COL4A5: variants seen among roughly 807,000 people sequenced by gnomAD.
The protein encoded by COL4A5 is collagen alpha-5(IV) chain.
A neutral mutation model predicts 130.2 loss-of-function variants in COL4A5; 26 were observed. That is an observed-to-expected ratio of 0.20 (90% confidence interval 0.15 to 0.28). The LOEUF is 0.28. COL4A5 is among the 10% of genes least tolerant of loss of function. COL4A5 has a pLI of 1.00. For missense variants in COL4A5, 1,131 were observed against 1,344.3 expected, an observed-to-expected ratio of 0.84 and a Z score of 2.48; for synonymous variants, 496 against 439.6, an observed-to-expected ratio of 1.13 and a Z score of -1.60.
chrX:108,577,008 G>C (rs2066160840), intron 10 of COL4A5, among the ~76,000 whole-genome samples: 1 of 111,277 alleles, frequency 9.0e-6, no homozygotes, highest in Admixed American at 9.5e-5. Flanking sequence ...CCACTTAACC[G>C]ATTCACTTTA....
chrX:108,518,711 G>T (rs1289933742), intron 1 of COL4A5, among the ~76,000 whole-genome samples: 1 of 110,986 alleles, frequency 9.0e-6, no homozygotes, highest in South Asian at 3.7e-4. Flanking sequence ...CATCAGTATC[G>T]ATGAATTACA....
chrX:108,606,719 G>A (rs775574284), intron 28 of COL4A5, 23 bp from the exon 29 acceptor site: 37 of 1,208,994 alleles, frequency 3.1e-5, no homozygotes, highest in Admixed American at 2.2e-4. Flanking sequence ...TTTTTGTTGT[G>A]TTTTGTCATG....
At chrX:108,641,473 A>G (rs771151797) in intron 36 of COL4A5, among the ~76,000 whole-genome samples, 4 of 111,999 alleles carry the variant, frequency 3.6e-5, no homozygotes, top group Non-Finnish European at 7.5e-5. Flanking sequence ...ATCAACTGCA[A>G]CAACAAACCA....
Position 108,444,719 on chromosome X carries a change from A to T in COL4A5, c.81+4513A>T, listed in dbSNP as rs752285236. Among the ~76,000 whole-genome samples, 255 of 112,014 alleles carry T rather than the reference A, an allele frequency of 2.3e-3. 1 individual carries two copies. Among genetic ancestry groups the T allele is most frequent in the Non-Finnish European group, 4.3e-3 (228 of 53,148 alleles). On this transcript the variant is annotated intron_variant, in intron 1 of 52. Transcript: ENST00000328300. Reference sequence around the variant, plus strand: ...GAAATATATGTATATATGCACACATACCTGTTTCTATATCGATTTCTTGAA... The same window carrying T: ...GAAATATATGTATATATGCACACATTCCTGTTTCTATATCGATTTCTTGAA...
chrX:108,551,592 C>A (rs1480805112), intron 2 of COL4A5, among the ~76,000 whole-genome samples: 2 of 111,903 alleles, frequency 1.8e-5, no homozygotes, highest in Non-Finnish European at 3.8e-5. Flanking sequence ...ATTAGTTCAC[C>A]CACTGTAGAA....
At chrX:108,609,969 T>TAAA (rs78482851) in intron 29 of COL4A5, among the ~76,000 whole-genome samples, 1 of 98,738 alleles carries the variant, frequency 1.0e-5, no homozygotes, top group African/African-American at 3.6e-5. Flanking sequence ...ACTTTATTCT[T>TAAA]AAAAAAAAAA....
Position 108,601,904 on chromosome X carries a change from G to C in COL4A5, c.2061G>C (p.Gly687=). 1 of 1,162,638 alleles carries C rather than the reference G, an allele frequency of 8.6e-7. No individual in the cohort carries two copies. Among genetic ancestry groups the C allele is most frequent in the East Asian group, 3.1e-5 (1 of 32,096 alleles). ...VGLPGDPGLP[G]QPGLPGIPGS... is the part of the protein sequence containing the mutation. ...CCATAGGTGACCCTGGACTTCCAGG[G>C]CAACCAGGCTTGCCAGGGATACCTG... The change falls in exon 27 of 53, where the codon GGG becomes GGC. Residue 687 remains glycine (G), a synonymous_variant. Transcript: ENST00000328300.
At chrX:108,611,841 A>T (rs963448720) in intron 29 of COL4A5, among the ~76,000 whole-genome samples, 3 of 111,048 alleles carry the variant, frequency 2.7e-5, no homozygotes, top group Admixed American at 9.6e-5. Flanking sequence ...AAGCAAAGAC[A>T]TATGAGAAAA....
intron 3 of COL4A5, among the ~76,000 whole-genome samples, chrX:108,562,714 C>A (rs1026805133): frequency 3.6e-5 from 4 of 111,748 alleles, no homozygotes; most frequent in African/African-American, 1.3e-4. Context: ...ATTGGGTATT[C>A]TGGTACATGT....
At chrX:108,675,062 T>C (rs1337599246) in intron 43 of COL4A5, among the ~76,000 whole-genome samples, 1 of 111,577 alleles carries the variant, frequency 9.0e-6, no homozygotes, top group Non-Finnish European at 1.9e-5. Flanking sequence ...GGCAAGCATA[T>C]GACCTATTTG....
chrX:108,603,274 A>C (rs936508977), intron 28 of COL4A5, among the ~76,000 whole-genome samples: 1 of 109,510 alleles, frequency 9.1e-6, no homozygotes, highest in African/African-American at 3.3e-5. Context: ...AAAAAAAAAA[A>C]AAACCTAATT....
chrX:108,586,691 A>G lies in COL4A5; in HGVS notation c.1109A>G (p.Lys370Arg). The change falls in exon 19 of 53, where the codon AAA (lysine) becomes AGA (arginine). Residue 370 changes from lysine to arginine, a missense_variant. Transcript: ENST00000328300. ...GGGTTGCCTGGGTTGCCTGGAGAAA[A>G]AGGAGAGCGAGGATTTCCTGGAATA... ...NIGLPGLPGE[K>R]GERGFPGIQG... is the part of the protein sequence containing the mutation. 9 of 1,209,928 alleles carry G rather than the reference A, an allele frequency of 7.4e-6. No homozygotes were observed. The highest frequency in any genetic ancestry group is 1.0e-5 in the Non-Finnish European group (9 of 894,153).
chrX:108,592,060 T>G (rs2066446192), intron 21 of COL4A5, among the ~76,000 whole-genome samples: 1 of 111,820 alleles, frequency 8.9e-6, no homozygotes, highest in African/African-American at 3.3e-5. Context: ...TAATCCAAAT[T>G]TTCATGTTTT....
chrX:108,579,870 A>T (rs1029586091), intron 13 of COL4A5, among the ~76,000 whole-genome samples: 23 of 111,686 alleles, frequency 2.1e-4, no homozygotes, highest in African/African-American at 6.8e-4. Context: ...AGAATAAAAA[A>T]TTGTCATTAT....
chrX:108,637,882 G>A (rs1038669826), intron 36 of COL4A5, among the ~76,000 whole-genome samples: 6 of 106,998 alleles, frequency 5.6e-5, no homozygotes, highest in South Asian at 4.2e-4. Context: ...ACAGGGTCTC[G>A]CTATGTTGCC....
chrX:108,662,804 A>G (rs1277512409), intron 37 of COL4A5, among the ~76,000 whole-genome samples: 4 of 112,302 alleles, frequency 3.6e-5, no homozygotes, highest in East Asian at 5.6e-4. Context: ...TATAGATTCA[A>G]TGGTATTCCC....
chrX:108,469,140 A>AT (rs1235743701), intron 1 of COL4A5, among the ~76,000 whole-genome samples: 1 of 72,342 alleles, frequency 1.4e-5, no homozygotes, highest in African/African-American at 4.8e-5. Flanking sequence ...CTGGTGTATG[A>AT]TTTTTCATAG....
At chrX:108,520,941 C>T (rs2065259209) in intron 1 of COL4A5, among the ~76,000 whole-genome samples, 1 of 111,543 alleles carries the variant, frequency 9.0e-6, no homozygotes, top group Admixed American at 9.5e-5. Context: ...ATTTGTTTGT[C>T]TCTTGCTTTC....
In COL4A5 at chrX:108,595,591, A is replaced by G; in HGVS notation, c.1506A>G (p.Pro502=). The part of the protein sequence containing the change: ...PPGQPGLPGL[P]GPPGSLGFPG... ...GTCAACCTGGTTTGCCAGGTCTCCC[A>G]GGTCCTCCAGGTAAATTATGCCTCA... The change falls in exon 22 of 53, where the codon CCA becomes CCG. Residue 502 remains proline (P), a synonymous_variant. Coordinates refer to ENST00000328300, the MANE Select transcript of COL4A5 (RefSeq NM_033380.3). 8.3e-7 allele frequency: 1 copy of G among 1,209,184 alleles called. No homozygotes were observed. The highest frequency in any genetic ancestry group is 1.1e-6 in the Non-Finnish European group (1 of 893,020).
Sources: gnomAD v4.1 joint callset for allele counts (sites outside exome capture counted in the v4.1 genomes callset) on GRCh38, gnomAD v4.1.1 for gene constraint, MANE v1.5 for transcripts, NCBI Gene and HGNC (gene_info 2026-07-23, HGNC 2026-07-21) for gene names.